Variants in POU2F1 observed in about 807,000 individuals in gnomAD.
POU2F1 encodes the protein POU domain, class 2, transcription factor 1.
POU2F1 carries 16 observed loss-of-function variants against 84.9 expected under a neutral mutation model. The observed-to-expected ratio is 0.19, with a 90% CI of 0.13 to 0.29. The LOEUF (loss-of-function observed/expected upper bound fraction) is 0.29, where lower values mean the gene tolerates loss of function less well. Among genes scored for constraint, POU2F1 ranks in the 10% least tolerant of loss-of-function variants. The pLI, the probability that POU2F1 is intolerant of heterozygous loss-of-function variation, is 1.00. For synonymous variants in POU2F1, 368 were observed against 368.3 expected, an observed-to-expected ratio of 1.00 and a Z score of 0.01; for missense variants, 738 against 942.6, an observed-to-expected ratio of 0.78 and a Z score of 2.84.
chr1:167,232,408 TA>T (rs1267194258), intron 1 of POU2F1, among the ~76,000 whole-genome samples: 1 of 152,170 alleles, frequency 6.6e-6, no homozygotes, highest in Non-Finnish European at 1.5e-5. Context: ...CAAAAACATT[TA>T]AAAGGTAAAA....
intron 1 of POU2F1, 108 bp downstream of exon 1, chr1:167,221,066 A>T (rs1040170091): frequency 9.8e-7 from 1 of 1,023,732 alleles, no homozygotes; most frequent in African/African-American, 1.6e-5. Context: ...TATTATAATT[A>T]ACGGCGGGGA....
rs1658851204 is a variant in POU2F1 at position 167,355,139 on chromosome 1, CT to C, written c.128-10324del. 4.1e-5 allele frequency among the ~76,000 whole-genome samples: 6 copies of C among 147,068 alleles called. No individual in the cohort carries two copies. In the South Asian group the frequency reaches 1.3e-3, roughly 32 times the overall value. The stretch of plus-strand genomic sequence containing the variant: ...TATAGTTTTGCATTTCACATTTTGG[CT>C]TTTAATCCTTCTGAAATTTTCATTT... On this transcript the variant is annotated intron_variant, in intron 2 of 15. Coordinates refer to ENST00000367866, the MANE Select transcript of POU2F1 (RefSeq NM_002697.4).
At chr1:167,299,694 A>AGTTTTTTTTTTT (rs1557877434) in intron 1 of POU2F1, among the ~76,000 whole-genome samples, 1 of 128,596 alleles carries the variant, frequency 7.8e-6, no homozygotes, top group African/African-American at 4.4e-5. Context: ...AGGAGACCAG[A>AGTTTTTTTTTTT]GTTTTTTTTT....
intron 9 of POU2F1, among the ~76,000 whole-genome samples, chr1:167,389,975 CATTAT>C (rs1277637518): frequency 3.3e-5 from 5 of 152,278 alleles, no homozygotes; most frequent in African/African-American, 1.2e-4. Context: ...ATAGCATTTA[CATTAT>C]ATTAAGTATT....
intron 1 of POU2F1, among the ~76,000 whole-genome samples, chr1:167,299,479 A>G (rs1214031622): frequency 6.6e-6 from 1 of 152,140 alleles, no homozygotes; most frequent in Non-Finnish European, 1.5e-5. Context: ...CAGTGATTGG[A>G]GATTGATTGT....
Position 167,383,860 on chromosome 1 carries a change from T to C in POU2F1, c.722T>C (p.Leu241Pro). The C allele has an allele frequency of 6.2e-7, 1 of 1,612,910 alleles. No individual in the cohort carries two copies. Among genetic ancestry groups the C allele is most frequent in the Non-Finnish European group, 8.5e-7 (1 of 1,179,260 alleles). The change falls in exon 8 of 16, where the codon CTC becomes CCC. Residue 241 changes from leucine to proline, a missense_variant. Coordinates refer to ENST00000367866, the MANE Select transcript of POU2F1 (RefSeq NM_002697.4). The stretch of plus-strand genomic sequence containing the variant: ...ATAACATGTTTTTCTTCTACAGGTC[T>C]CCTGCAAGCGCAAAATCTTCTAACG... Reference protein sequence around the residue: ...ISQTPQGQQGLLQAQNLLTQL... With the variant: ...ISQTPQGQQGPLQAQNLLTQL...
chr1:167,313,790 GA>G (rs1243360512), intron 1 of POU2F1, among the ~76,000 whole-genome samples: 1 of 152,234 alleles, frequency 6.6e-6, no homozygotes, highest in East Asian at 1.9e-4. Flanking sequence ...TTAAGAGGAT[GA>G]AAAGACATGG....
chr1:167,314,940 G>A (rs1239724910), intron 1 of POU2F1, among the ~76,000 whole-genome samples: 2 of 152,146 alleles, frequency 1.3e-5, no homozygotes, highest in Non-Finnish European at 2.9e-5. Flanking sequence ...CGGTCTTCTT[G>A]ATAGTGAGTT....
intron 1 of POU2F1, among the ~76,000 whole-genome samples, chr1:167,288,579 A>G (rs2102524859): frequency 6.6e-6 from 1 of 152,230 alleles, no homozygotes; most frequent in East Asian, 1.9e-4. Flanking sequence ...AGTTCCAGCT[A>G]CTCAGGAGGC....
At position 167,335,512 on chromosome 1, in the gene POU2F1, A is replaced by G. The variant is rs573434058; in HGVS notation, c.127+2977A>G. On this transcript the variant is annotated intron_variant, in intron 2 of 15. Coordinates refer to ENST00000367866, the MANE Select transcript of POU2F1 (RefSeq NM_002697.4). ...GTTGACTCTGAACATGAAAAAGACT[A>G]CCCCATGTCTCTAAAACTGGGGAGA... Among the ~76,000 whole-genome samples the G allele has an allele frequency of 4.3e-4, 66 of 152,254 alleles. 1 individual carries two copies. Among genetic ancestry groups the G allele is most frequent in the African/African-American group, 1.5e-3 (63 of 41,538 alleles).
chr1:167,299,144 CAA>C (rs1654481812), intron 1 of POU2F1, among the ~76,000 whole-genome samples: 1 of 93,406 alleles, frequency 1.1e-5, no homozygotes, highest in Non-Finnish European at 2.0e-5. Context: ...GCCTGGACAA[CAA>C]GAGTGAAACG....
At chr1:167,224,825 C>CTTTTTTTT (rs774351969) in intron 1 of POU2F1, among the ~76,000 whole-genome samples, 5 of 122,206 alleles carry the variant, frequency 4.1e-5, no homozygotes, top group African/African-American at 9.5e-5. Context: ...TCACTGTCTT[C>CTTTTTTTT]TTTTTTTTTT....
At chr1:167,259,935 G>A (rs1479201373) in intron 1 of POU2F1, among the ~76,000 whole-genome samples, 2 of 151,582 alleles carry the variant, frequency 1.3e-5, no homozygotes, top group Admixed American at 1.3e-4. Context: ...CTGGAGTGCA[G>A]TGGCGCGATC....
chr1:167,403,041 G>C (rs1649316700), intron 13 of POU2F1, among the ~76,000 whole-genome samples: 1 of 152,174 alleles, frequency 6.6e-6, no homozygotes, highest in Non-Finnish European at 1.5e-5. Flanking sequence ...CTCAAAACTA[G>C]CTAAAAATTT....
chr1:167,253,330 A>G (rs865935591), intron 1 of POU2F1, among the ~76,000 whole-genome samples: 2 of 150,528 alleles, frequency 1.3e-5, no homozygotes, highest in African/African-American at 2.5e-5. Flanking sequence ...CTTGTAGAAC[A>G]AGATGTCATT....
intron 1 of POU2F1, among the ~76,000 whole-genome samples, chr1:167,281,155 A>G (rs1306913814): frequency 6.6e-6 from 1 of 152,244 alleles, no homozygotes; most frequent in Non-Finnish European, 1.5e-5. Flanking sequence ...GACCGGTCTT[A>G]ACTTAAAATG....
chr1:167,320,981 T>C (rs1193042448), intron 1 of POU2F1, among the ~76,000 whole-genome samples: 1 of 152,246 alleles, frequency 6.6e-6, no homozygotes, highest in African/African-American at 2.4e-5. Context: ...AATTGATCGC[T>C]ATGTATGGTT....
At chr1:167,233,186 A>G (rs1391816713) in intron 1 of POU2F1, among the ~76,000 whole-genome samples, 1 of 148,154 alleles carries the variant, frequency 6.7e-6, no homozygotes, top group Non-Finnish European at 1.5e-5. Context: ...CCCAGACTGG[A>G]GTGCAGTGGT....
intron 2 of POU2F1, among the ~76,000 whole-genome samples, chr1:167,343,168 G>A (rs1250563934): frequency 1.3e-5 from 2 of 152,142 alleles, no homozygotes; most frequent in Non-Finnish European, 2.9e-5. Flanking sequence ...TGGGGGTCAA[G>A]GGGGAGAAGG....
Sources: gnomAD v4.1 joint callset for allele counts (sites outside exome capture counted in the v4.1 genomes callset) on GRCh38, gnomAD v4.1.1 for gene constraint, MANE v1.5 for transcripts, NCBI Gene and HGNC (gene_info 2026-07-23, HGNC 2026-07-21) for gene names.